Variants in ZNF536 observed in about 807,000 individuals in gnomAD.
ZNF536 encodes zinc finger protein 536.
In ZNF536, 13 loss-of-function variants were observed where a neutral mutation model predicts 84.5. The observed-to-expected ratio is 0.15, with a 90% CI of 0.10 to 0.24. The LOEUF is 0.24. ZNF536 is among the 10% of genes least tolerant of loss of function. The pLI is 1.00. For missense variants in ZNF536, 1,536 were observed against 1,747.5 expected (o/e 0.88, Z 2.16); for synonymous variants, 811 against 742.5 (o/e 1.09, Z -1.50).
At position 30,600,674 on chromosome 19, in the gene ZNF536, C is replaced by G. The variant is rs74530458; in HGVS notation, c.169+51160C>G. On this transcript the variant is annotated intron_variant, in intron 1 of 1. Transcript: ENST00000592773. ...GGAGGAGGACATAGCCTGGCCAGCA[C>G]CCCTGGTGAGCTGAGGCAGTGGGTC... 5.2e-3 allele frequency among the ~76,000 whole-genome samples: 796 copies of G among 152,282 alleles called. 39 individuals are homozygous for G. In the East Asian group the frequency reaches 0.11, roughly 21 times the overall value.
intron 1 of ZNF536, among the ~76,000 whole-genome samples, chr19:30,620,318 C>G (rs2048438248): frequency 6.7e-6 from 1 of 150,102 alleles, no homozygotes; most frequent in Admixed American, 6.7e-5. Context: ...AACATCATTA[C>G]TGCTAAACGT....
At position 30,422,262 on chromosome 19, in the gene ZNF536, C is replaced by T. The variant is rs76386323; in HGVS notation, c.-2-21299C>T. Among the ~76,000 whole-genome samples, 756 of 152,234 alleles carry T rather than the reference C, an allele frequency of 5.0e-3. 9 individuals carry two copies. The highest frequency in any genetic ancestry group is 0.017 in the African/African-American group (721 of 41,532). ...TACAGAAAACCTCCTGAAGACAAGA[C>T]ATATTGACCTAAGAGGTTTAGGATG... On this transcript the variant is annotated intron_variant, in intron 1 of 4. Transcript: ENST00000355537.
intron 1 of ZNF536, among the ~76,000 whole-genome samples, chr19:30,700,192 C>CTTTCT (rs57225901): frequency 0.19 from 20,469 of 108,032 alleles, 2,166 homozygotes; most frequent in Middle Eastern, 0.22. Flanking sequence ...TTCTTTCCTT[C>CTTTCT]TTTCTTTCCT....
intron 2 of ZNF536, among the ~76,000 whole-genome samples, chr19:30,313,424 C>A (rs1203679650): frequency 1.3e-5 from 2 of 152,176 alleles, no homozygotes; most frequent in Non-Finnish European, 2.9e-5. Context: ...CTGTGTCAGT[C>A]AGAGCAGGTT....
intron 2 of ZNF536, among the ~76,000 whole-genome samples, chr19:30,486,041 G>C (rs1166366957): frequency 6.6e-6 from 1 of 152,114 alleles, no homozygotes; most frequent in Non-Finnish European, 1.5e-5. Context: ...AGGAAAGGGA[G>C]AGGGTGCTCA....
chr19:30,447,589 C>T (rs1012822645), intron 2 of ZNF536, among the ~76,000 whole-genome samples: 2 of 152,132 alleles, frequency 1.3e-5, no homozygotes, highest in Non-Finnish European at 2.9e-5. Flanking sequence ...CTACCTGGAG[C>T]GACTGTCACA....
intron 1 of ZNF536, among the ~76,000 whole-genome samples, chr19:30,410,632 G>T (rs1171495298): frequency 6.6e-6 from 1 of 152,028 alleles, no homozygotes; most frequent in Non-Finnish European, 1.5e-5. Flanking sequence ...CCGCCACCAC[G>T]CCCGGCTAAT....
chr19:30,687,370 C>T (rs1459215267), intron 1 of ZNF536, among the ~76,000 whole-genome samples: 1 of 152,216 alleles, frequency 6.6e-6, no homozygotes, highest in Non-Finnish European at 1.5e-5. Context: ...CTACTGGGCT[C>T]CCTTCTTAGT....
intron 2 of ZNF536, among the ~76,000 whole-genome samples, chr19:30,446,530 G>T (rs531828089): frequency 1.3e-5 from 2 of 151,820 alleles, no homozygotes; most frequent in Admixed American, 1.3e-4. Flanking sequence ...TGCAGGCACC[G>T]CAGTCTCCCT....
chr19:30,664,178 C>T (rs1358287374), intron 1 of ZNF536, among the ~76,000 whole-genome samples: 3 of 147,142 alleles, frequency 2.0e-5, no homozygotes, highest in South Asian at 4.4e-4. Context: ...TCAAATAGTG[C>T]TATCTAGAGG....
rs2146197370 is a variant in ZNF536, at chr19:30,548,351, G to A, written c.2732G>A (p.Gly911Asp). Reference sequence around the variant, plus strand: ...GCTTATCAAAGCATTGTGAGCAACGGTGTGAATTTCCAAGGGTCCTTGCAA... The same window carrying A: ...GCTTATCAAAGCATTGTGAGCAACGATGTGAATTTCCAAGGGTCCTTGCAA... ...GRAYQSIVSN[G>D]VNFQGSLQAF... The change falls in exon 4 of 5, where the codon GGT becomes GAT. Residue 911 changes from glycine (G) to aspartate (D), a missense_variant. By Grantham distance (94) the Gly-to-Asp change is moderately conservative. Coordinates refer to ENST00000355537, the MANE Select transcript of ZNF536 (RefSeq NM_014717.3). The A allele has an allele frequency of 6.2e-7, 1 of 1,614,010 alleles. No homozygotes were observed. The highest frequency in any genetic ancestry group is 8.5e-7 in the Non-Finnish European group (1 of 1,179,992).
At chr19:30,668,244 A>T (rs553901707) in intron 1 of ZNF536, among the ~76,000 whole-genome samples, 1 of 152,340 alleles carries the variant, frequency 6.6e-6, no homozygotes, top group East Asian at 1.9e-4. Flanking sequence ...TACACCATGT[A>T]GAGATTCCAC....
At chr19:30,513,542 A>G (rs1231722100) in intron 2 of ZNF536, among the ~76,000 whole-genome samples, 1 of 152,236 alleles carries the variant, frequency 6.6e-6, no homozygotes, top group African/African-American at 2.4e-5. Flanking sequence ...CAAGTTAAAA[A>G]TAACATTTAT....
At chr19:30,389,630 C>T (rs1016147884) in intron 1 of ZNF536, among the ~76,000 whole-genome samples, 2 of 152,146 alleles carry the variant, frequency 1.3e-5, no homozygotes, top group South Asian at 2.1e-4. Flanking sequence ...CTGGGCTAAG[C>T]GAAGGCCAAG....
chr19:30,455,956 A>C (rs1161585353), intron 2 of ZNF536, among the ~76,000 whole-genome samples: 1 of 152,222 alleles, frequency 6.6e-6, no homozygotes, highest in Admixed American at 6.5e-5. Context: ...ATTTCCCACC[A>C]GGATCAGCAA....
At chr19:30,626,221 G>A (rs1387304775) in intron 1 of ZNF536, among the ~76,000 whole-genome samples, 1 of 152,194 alleles carries the variant, frequency 6.6e-6, no homozygotes, top group Non-Finnish European at 1.5e-5. Context: ...TCTGACCTAT[G>A]AGGGGATAAA....
At chr19:30,534,286 C>T (rs1471716028) in intron 2 of ZNF536, among the ~76,000 whole-genome samples, 1 of 152,190 alleles carries the variant, frequency 6.6e-6, no homozygotes, top group Non-Finnish European at 1.5e-5. Flanking sequence ...TTCTCCCTTT[C>T]ATGAGATTAC....
intron 1 of ZNF536, among the ~76,000 whole-genome samples, chr19:30,415,114 C>T (rs9676557): frequency 0.38 from 54,928 of 143,316 alleles, 11,496 homozygotes; most frequent in East Asian, 0.69. Context: ...CTTCCTCCTT[C>T]TCCTTCTTCT....
chr19:30,452,548 G>A (rs33435), intron 2 of ZNF536, among the ~76,000 whole-genome samples: 66,298 of 152,090 alleles, frequency 0.44, 17,681 homozygotes, highest in Non-Finnish European at 0.6. Flanking sequence ...GAGAGAGACC[G>A]TGGGTATACT....
Sources: allele counts gnomAD v4.1 joint callset (sites outside exome capture counted in the v4.1 genomes callset), GRCh38; gene constraint gnomAD v4.1.1; transcripts MANE v1.5; gene names NCBI Gene and HGNC (gene_info 2026-07-23, HGNC 2026-07-21).